The following CAMTA1 variants were observed in gnomAD, a reference collection of about 807,000 sequenced individuals.
CAMTA1 encodes the protein calmodulin-binding transcription activator 1.
A neutral mutation model predicts 170.9 loss-of-function variants in CAMTA1; 27 were observed. The ratio of observed to expected loss-of-function variants is 0.16; its 90% CI spans 0.12 to 0.22. The LOEUF (loss-of-function observed/expected upper bound fraction) is 0.22. CAMTA1 is among the 10% of genes least tolerant of loss of function. CAMTA1 has a pLI of 1.00. For synonymous variants in CAMTA1, 833 were observed against 891.5 expected (o/e 0.93, Z 1.17); for missense variants, 1,619 against 2,217.2 (o/e 0.73, Z 5.42).
chr1:6,798,294 A>C lies in CAMTA1; in HGVS notation c.45+12719A>C, dbSNP rs191144829. On this transcript the variant is annotated intron_variant, in intron 1 of 22. Coordinates refer to ENST00000303635, the MANE Select transcript of CAMTA1 (RefSeq NM_015215.4). The stretch of plus-strand genomic sequence containing the variant: ...TGAGCTACCGCACCCAGCCTAAAAA[A>C]GGAATATTTAATGGTAGAGGGCTCT... Among the ~76,000 whole-genome samples the C allele has an allele frequency of 5.2e-3, 797 of 152,314 alleles. 3 individuals are homozygous for C. The highest frequency in any genetic ancestry group is 0.021 in the Middle Eastern group (6 of 292).
Position 7,330,362 on chromosome 1 carries a change from A to G in CAMTA1, c.438+80736A>G, listed in dbSNP as rs149145445. Among the ~76,000 whole-genome samples the G allele has an allele frequency of 3.6e-3, 553 of 152,306 alleles. 8 individuals are homozygous for G. The highest frequency in any genetic ancestry group is 0.023 in the Admixed American group (358 of 15,300). On this transcript the variant is annotated intron_variant, in intron 5 of 22. Transcript: ENST00000303635. ...GGACCACGCGGCAGGAAGAGGCCTG[A>G]CGGTGCAGCTGCTGCTGGGGAAGAG...
rs199861423 is a variant in CAMTA1 at position 7,242,771 on chromosome 1, A to AAAATAAATAAATAAAT, written c.303-6696_303-6681dup. ...GTGAAACCCCGTCTCTACTGAAAATAAAATAAATAAATAAATAAATAAATA... is the reference window on the plus strand; with the variant it reads ...GTGAAACCCCGTCTCTACTGAAAATAAAATAAATAAATAAATAAATAAATAAATAAATAAATAAATA... On this transcript the variant is annotated intron_variant, in intron 4 of 22. Coordinates refer to ENST00000303635, the MANE Select transcript of CAMTA1 (RefSeq NM_015215.4). 5.5e-3 allele frequency among the ~76,000 whole-genome samples: 796 copies of AAAATAAATAAATAAAT among 145,544 alleles called. 13 individuals are homozygous for AAAATAAATAAATAAAT. Among genetic ancestry groups the AAAATAAATAAATAAAT allele is most frequent in the African/African-American group, 0.018 (697 of 38,830 alleles).
chr1:7,143,411 G>A (rs898838915), intron 4 of CAMTA1, among the ~76,000 whole-genome samples: 1 of 152,204 alleles, frequency 6.6e-6, no homozygotes, highest in Non-Finnish European at 1.5e-5. Context: ...GTTGTTTGGA[G>A]TAAGATGTAT....
chr1:7,034,080 A>G (rs1003310536), intron 3 of CAMTA1, among the ~76,000 whole-genome samples: 2 of 152,050 alleles, frequency 1.3e-5, no homozygotes, highest in African/African-American at 4.8e-5. Flanking sequence ...TATGCCCCAT[A>G]TATTATGAAG....
At chr1:7,252,028 C>T (rs185701883) in intron 5 of CAMTA1, among the ~76,000 whole-genome samples, 71 of 152,284 alleles carry the variant, frequency 4.7e-4, no homozygotes, top group African/African-American at 1.6e-3. Context: ...ACACTTGAGC[C>T]GTTTCCCTGG....
chr1:7,502,024 A>C (rs1021069316), intron 6 of CAMTA1, among the ~76,000 whole-genome samples: 5 of 152,214 alleles, frequency 3.3e-5, no homozygotes, highest in African/African-American at 1.2e-4. Flanking sequence ...CCTTGGCTGC[A>C]ATCTCAAGCC....
At chr1:7,103,509 CTACACACG>C (rs1005924174) in intron 4 of CAMTA1, among the ~76,000 whole-genome samples, 6 of 148,456 alleles carry the variant, frequency 4.0e-5, no homozygotes, top group South Asian at 2.2e-4. Flanking sequence ...CAGATACACA[CTACACACG>C]TACACACAAC....
intron 6 of CAMTA1, among the ~76,000 whole-genome samples, chr1:7,548,678 A>G (rs1315164410): frequency 5.3e-4 from 48 of 91,408 alleles, no homozygotes; most frequent in South Asian, 9.8e-4. Context: ...GGAGATGCCC[A>G]TGGAAGGTGC....
At chr1:6,876,256 G>A (rs1049813490) in intron 3 of CAMTA1, among the ~76,000 whole-genome samples, 2 of 151,516 alleles carry the variant, frequency 1.3e-5, no homozygotes, top group East Asian at 3.9e-4. Context: ...ACCATCTGGC[G>A]TATGTTTACA....
intron 5 of CAMTA1, among the ~76,000 whole-genome samples, chr1:7,324,730 C>T (rs1246890794): frequency 1.3e-5 from 2 of 150,766 alleles, no homozygotes; most frequent in Non-Finnish European, 2.9e-5. Context: ...TCACTTGAAC[C>T]TGGGAGGTGG....
Position 7,766,625 on chromosome 1 carries a change from T to A in CAMTA1, c.*134T>A, listed in dbSNP as rs906595302. ...CACACACGTACACACACATACAAAA[T>A]CCCTCTGCAGTTTTGGGGAGATCAG... On this transcript the variant is annotated 3_prime_UTR_variant, in exon 23 of 23. Coordinates refer to ENST00000303635, the MANE Select transcript of CAMTA1 (RefSeq NM_015215.4). 15 of 745,722 alleles carry A rather than the reference T, an allele frequency of 2.0e-5. No individual in the cohort carries two copies. The African/African-American group carries it at 2.3e-4, about 11-fold the overall frequency. 46.2% of individuals were successfully genotyped at this position (745,722 alleles called of 1,614,324 possible). A position where few individuals can be genotyped will look rare whatever the true frequency, so the allele number is the denominator to read the frequency against.
intron 6 of CAMTA1, among the ~76,000 whole-genome samples, chr1:7,512,996 C>T (rs1192222465): frequency 6.6e-6 from 1 of 152,188 alleles, no homozygotes; most frequent in Non-Finnish European, 1.5e-5. Flanking sequence ...GCTGGAAAGG[C>T]TTGGCCTCCC....
At position 7,455,590 on chromosome 1, in the gene CAMTA1, T is replaced by C. The variant is rs2092931201; in HGVS notation, c.439-12240T>C. 6.6e-6 allele frequency among the ~76,000 whole-genome samples: 1 copy of C among 152,290 alleles called. No homozygotes were observed. The highest frequency in any genetic ancestry group is 2.4e-5 in the African/African-American group (1 of 41,566). On this transcript the variant is annotated intron_variant, in intron 5 of 22. Transcript: ENST00000303635. The surrounding 1 kb of genome is among the most constrained non-coding windows in gnomAD (Gnocchi z 5.0). ...CCCTGTTGTCCGTTTTAAGCAAGAA[T>C]CCCTGCCCAGACTCCCTGGCCACAT...
At chr1:6,993,303 C>T (rs1696684762) in intron 3 of CAMTA1, among the ~76,000 whole-genome samples, 2 of 152,130 alleles carry the variant, frequency 1.3e-5, no homozygotes, top group Non-Finnish European at 2.9e-5. Flanking sequence ...AGAGAACTGT[C>T]ATCTTTAAAA....
intron 21 of CAMTA1, among the ~76,000 whole-genome samples, chr1:7,754,573 A>G (rs2096918685): frequency 6.6e-6 from 1 of 152,200 alleles, no homozygotes; most frequent in Non-Finnish European, 1.5e-5. Flanking sequence ...TTTTGTTTTT[A>G]GAGTTCTCTT....
intron 1 of CAMTA1, among the ~76,000 whole-genome samples, chr1:6,808,460 C>G (rs1280180016): frequency 6.6e-6 from 1 of 152,178 alleles, no homozygotes; most frequent in Admixed American, 6.5e-5. Context: ...CACACACGCT[C>G]ACCCATGCTC....
intron 5 of CAMTA1, among the ~76,000 whole-genome samples, chr1:7,398,191 CTCTA>C (rs1255370138): frequency 8.2e-4 from 22 of 26,906 alleles, no homozygotes; most frequent in African/African-American, 1.4e-3. Context: ...CTCTCTCTCT[CTCTA>C]TATATATATA....
intron 22 of CAMTA1, among the ~76,000 whole-genome samples, chr1:7,758,124 C>T (rs546758608): frequency 6.6e-6 from 1 of 152,298 alleles, no homozygotes; most frequent in South Asian, 2.1e-4. Flanking sequence ...CTTGTAGTAT[C>T]ATGCATGTTA....
intron 5 of CAMTA1, among the ~76,000 whole-genome samples, chr1:7,428,091 A>G (rs548087666): frequency 2.4e-4 from 36 of 152,152 alleles, no homozygotes; most frequent in Admixed American, 6.5e-4. Flanking sequence ...TGTGTCTGAA[A>G]GGTTCTGGCC....
Sources: allele counts gnomAD v4.1 joint callset (sites outside exome capture counted in the v4.1 genomes callset), GRCh38; gene constraint gnomAD v4.1.1; non-coding constraint Gnocchi (gnomAD v3.1); transcripts MANE v1.5; gene names NCBI Gene and HGNC (gene_info 2026-07-23, HGNC 2026-07-21).